ZFHX3: variants seen among roughly 807,000 people sequenced by gnomAD.
ZFHX3 encodes the protein zinc finger homeobox 3.
ZFHX3 carries 42 observed loss-of-function variants against 279.1 expected under a neutral mutation model. The ratio of observed to expected loss-of-function variants is 0.15; its 90% confidence interval spans 0.12 to 0.19. The LOEUF (loss-of-function observed/expected upper bound fraction) is 0.19. Among genes scored for constraint, ZFHX3 ranks in the 10% least tolerant of loss-of-function variants. The probability of loss-of-function intolerance (pLI) is 1.00; values close to 1 mark genes in which losing one functional copy is unlikely to be tolerated. For missense variants in ZFHX3, 4,981 were observed against 4,754.0 expected, an observed-to-expected ratio of 1.05 and a Z score of -1.40; for synonymous variants, 2,293 against 1,957.8, an observed-to-expected ratio of 1.17 and a Z score of -4.52.
intron 8 of ZFHX3, among the ~76,000 whole-genome samples, chr16:73,078,621 A>C (rs2144763231): frequency 6.6e-6 from 1 of 151,288 alleles, no homozygotes; most frequent in Admixed American, 6.6e-5. Context: ...CAGTGCTGGG[A>C]TTATAAACCG....
At chr16:72,939,716 T>C (rs929859561) in intron 3 of ZFHX3, among the ~76,000 whole-genome samples, 1 of 152,166 alleles carries the variant, frequency 6.6e-6, no homozygotes, top group Admixed American at 6.5e-5. Context: ...GGTGAAACCC[T>C]GTCTCTACTA....
intron 4 of ZFHX3, among the ~76,000 whole-genome samples, chr16:73,283,191 C>G (rs926077372): frequency 6.6e-6 from 1 of 152,200 alleles, no homozygotes; most frequent in Non-Finnish European, 1.5e-5. Context: ...GAAAACTTTG[C>G]TGACACCTGC....
intron 1 of ZFHX3, among the ~76,000 whole-genome samples, chr16:73,821,774 A>G (rs1473973592): frequency 6.6e-6 from 1 of 152,240 alleles, no homozygotes; most frequent in Non-Finnish European, 1.5e-5. Flanking sequence ...GACATATGAT[A>G]GAAAGGAGAC....
chr16:73,018,098 G>A (rs1312711111), intron 1 of ZFHX3, among the ~76,000 whole-genome samples: 2 of 150,554 alleles, frequency 1.3e-5, no homozygotes, highest in East Asian at 2.0e-4. Context: ...CAATCCTCCC[G>A]CCTTAGCCTC....
intron 1 of ZFHX3, among the ~76,000 whole-genome samples, chr16:73,726,997 C>G (rs2053524646): frequency 6.6e-6 from 1 of 152,170 alleles, no homozygotes; most frequent in African/African-American, 2.4e-5. Context: ...AAAATCATTC[C>G]CTATTGAGAA....
chr16:73,579,805 T>C (rs2051838946), intron 2 of ZFHX3, among the ~76,000 whole-genome samples: 2 of 148,060 alleles, frequency 1.4e-5, no homozygotes, highest in Non-Finnish European at 3.0e-5. Flanking sequence ...CCTTTTTATG[T>C]AAAAAAATTC....
chr16:73,535,772 G>C (rs919001170), intron 2 of ZFHX3, among the ~76,000 whole-genome samples: 50 of 150,794 alleles, frequency 3.3e-4, no homozygotes, highest in African/African-American at 1.2e-3. Context: ...AGCCAGGCTG[G>C]AGTGCAATGG....
intron 4 of ZFHX3, among the ~76,000 whole-genome samples, chr16:72,851,139 C>T (rs1259871605): frequency 2.6e-5 from 4 of 151,950 alleles, no homozygotes; most frequent in South Asian, 2.1e-4. Context: ...GTTCACAGTA[C>T]GGAGGAGAGG....
intron 5 of ZFHX3, among the ~76,000 whole-genome samples, chr16:73,189,442 G>A (rs1967982221): frequency 6.6e-6 from 1 of 152,208 alleles, no homozygotes; most frequent in South Asian, 2.1e-4. Flanking sequence ...GTACTACAGG[G>A]AACGAGCCGG....
intron 3 of ZFHX3, among the ~76,000 whole-genome samples, chr16:73,445,067 G>A (rs1038559550): frequency 3.3e-5 from 5 of 151,820 alleles, no homozygotes; most frequent in African/African-American, 1.2e-4. Flanking sequence ...CCCGGGAGGC[G>A]GAGGTTACAG....
chr16:73,261,864 G>A (rs1023333446), intron 4 of ZFHX3, among the ~76,000 whole-genome samples: 3 of 151,848 alleles, frequency 2.0e-5, no homozygotes, highest in South Asian at 2.1e-4. Context: ...TAGCAGAGAC[G>A]GGGTTTCTTC....
Position 73,614,250 on chromosome 16 carries a change from A to G in ZFHX3, c.-1547+65930T>C, listed in dbSNP as rs931145797. Among the ~76,000 whole-genome samples the G allele has an allele frequency of 9.9e-5, 15 of 152,242 alleles. No individual in the cohort carries two copies. The East Asian group carries it at 2.7e-3, about 27-fold the overall frequency. On this transcript the variant is annotated intron_variant, in intron 2 of 17. Coordinates refer to the ZFHX3 transcript ENST00000641206. ...TGGTGTTGAAAGCCTTGGTCTGGTC[A>G]GGAACATCTCTGACTGGTCATCCAG... is the stretch of plus-strand genomic sequence containing the variant.
rs572807030 is a variant in ZFHX3, at chr16:73,113,512, T to G, written c.-897+17456A>C. Reference sequence around the variant, plus strand: ...GACAGCCTGGAGAATGAGGCATCCTTCGAGGCCTTGCTTTAATGTGAGTAA... The same window carrying G: ...GACAGCCTGGAGAATGAGGCATCCTGCGAGGCCTTGCTTTAATGTGAGTAA... On this transcript the variant is annotated intron_variant, in intron 7 of 17. Coordinates refer to the ZFHX3 transcript ENST00000641206. Among the ~76,000 whole-genome samples, 168 of 152,312 alleles carry G rather than the reference T, an allele frequency of 1.1e-3. 1 individual carries two copies. The highest frequency in any genetic ancestry group is 6.8e-3 in the Middle Eastern group (2 of 294).
At chr16:73,660,097 T>C (rs2052765398) in intron 2 of ZFHX3, among the ~76,000 whole-genome samples, 1 of 152,184 alleles carries the variant, frequency 6.6e-6, no homozygotes, top group Non-Finnish European at 1.5e-5. Context: ...GAACGGGAAA[T>C]TGAACACTGT....
intron 1 of ZFHX3, among the ~76,000 whole-genome samples, chr16:73,715,707 G>A (rs1372528011): frequency 2.0e-5 from 3 of 151,410 alleles, no homozygotes; most frequent in African/African-American, 4.9e-5. Context: ...AAGTAGCTGC[G>A]ATTACAGGTG....
intron 5 of ZFHX3, among the ~76,000 whole-genome samples, chr16:73,221,779 A>G (rs575498130): frequency 1.3e-5 from 2 of 152,288 alleles, no homozygotes; most frequent in South Asian, 4.1e-4. Context: ...TTTGTAAACT[A>G]TAAAGTACTA....
intron 5 of ZFHX3, among the ~76,000 whole-genome samples, chr16:73,249,000 A>G (rs186161170): frequency 1.3e-4 from 20 of 152,268 alleles, no homozygotes; most frequent in Admixed American, 1.0e-3. Flanking sequence ...TTCACTTCAA[A>G]CTTTTGTGCT....
chr16:73,405,577 GTTTT>G lies in ZFHX3; in HGVS notation c.-1291+50422_-1291+50425del, dbSNP rs896174971. ...ACAGGCCACTGTAATTTATACATTA[GTTTT>G]TTTGTTTTTTGTTTTTTTTTTTTAA... On this transcript the variant is annotated intron_variant, in intron 3 of 17. Transcript: ENST00000641206. Among the ~76,000 whole-genome samples, 9 of 139,730 alleles carry G rather than the reference GTTTT, an allele frequency of 6.4e-5. No individual in the cohort carries two copies. The South Asian group carries it at 9.9e-4, about 15-fold the overall frequency. 91.7% of individuals were successfully genotyped at this position (139,730 alleles called of 152,430 possible).
At chr16:73,485,214 G>A (rs1198983448) in intron 2 of ZFHX3, among the ~76,000 whole-genome samples, 1 of 152,120 alleles carries the variant, frequency 6.6e-6, no homozygotes, top group Non-Finnish European at 1.5e-5. Context: ...AGTGCAGGTG[G>A]GACCAATGGG....
Sources: gnomAD v4.1 joint callset for allele counts (sites outside exome capture counted in the v4.1 genomes callset) on GRCh38, gnomAD v4.1.1 for gene constraint, MANE v1.5 for transcripts, NCBI Gene and HGNC (gene_info 2026-07-23, HGNC 2026-07-21) for gene names.